DIAPH3: variants seen among roughly 807,000 people sequenced by gnomAD.
DIAPH3 encodes the protein protein diaphanous homolog 3.
DIAPH3 carries 117 observed loss-of-function variants against 144.3 expected under a neutral mutation model. The ratio of observed to expected loss-of-function variants is 0.81; its 90% CI spans 0.70 to 0.95. The LOEUF is 0.95. DIAPH3 is among the 40% of genes least tolerant of loss of function. The pLI is 0.00. For synonymous variants in DIAPH3, 519 were observed against 488.9 expected, an observed-to-expected ratio of 1.06 and a Z score of -0.81; for missense variants, 1,421 against 1,412.7, an observed-to-expected ratio of 1.01 and a Z score of -0.09.
intron 17 of DIAPH3, among the ~76,000 whole-genome samples, chr13:59,931,049 C>T (rs1328249655): frequency 2.0e-5 from 3 of 152,174 alleles, no homozygotes; most frequent in African/African-American, 7.2e-5. Flanking sequence ...AAGCAAACTC[C>T]TGACATATAC....
At chr13:59,829,597 TGTTA>T (rs977572871) in intron 24 of DIAPH3, among the ~76,000 whole-genome samples, 1 of 151,972 alleles carries the variant, frequency 6.6e-6, no homozygotes, top group African/African-American at 2.4e-5. Flanking sequence ...GCTCTATATA[TGTTA>T]GCTATTAAAT....
chr13:59,888,441 C>A (rs1283779729), intron 20 of DIAPH3, among the ~76,000 whole-genome samples: 2 of 152,004 alleles, frequency 1.3e-5, no homozygotes, highest in Admixed American at 1.3e-4. Context: ...CAAAATAGAC[C>A]AAGACAACCT....
At chr13:59,793,210 AT>A (rs1184969266) in intron 25 of DIAPH3, among the ~76,000 whole-genome samples, 1 of 151,976 alleles carries the variant, frequency 6.6e-6, no homozygotes, top group Non-Finnish European at 1.5e-5. Flanking sequence ...TTCCAAGACA[AT>A]TTCCTCTACC....
chr13:60,059,563 G>T (rs1055633804), intron 4 of DIAPH3, among the ~76,000 whole-genome samples: 4 of 151,736 alleles, frequency 2.6e-5, no homozygotes, highest in African/African-American at 4.8e-5. Context: ...AAATAAAAAG[G>T]TCATATGGTG....
At chr13:59,795,778 G>T (rs2039569416) in intron 25 of DIAPH3, among the ~76,000 whole-genome samples, 2 of 152,092 alleles carry the variant, frequency 1.3e-5, no homozygotes, top group Admixed American at 6.5e-5. Context: ...GAACTGGGTG[G>T]CTTGCTATGG....
intron 9 of DIAPH3, among the ~76,000 whole-genome samples, chr13:59,998,657 A>G (rs1353191197): frequency 6.6e-6 from 1 of 152,136 alleles, no homozygotes; most frequent in African/African-American, 2.4e-5. Flanking sequence ...TCCATATGAT[A>G]ATATGAGTTC....
intron 27 of DIAPH3, among the ~76,000 whole-genome samples, chr13:59,762,080 T>A (rs1046604290): frequency 9.9e-5 from 8 of 80,952 alleles, no homozygotes; most frequent in East Asian, 2.9e-4. Context: ...TTTTTTTTTT[T>A]AGACAGTCTT....
At chr13:59,839,213 T>G in intron 23 of DIAPH3, 111 bp downstream of exon 23, 1 of 1,354,838 alleles carries the variant, frequency 7.4e-7, no homozygotes, top group Non-Finnish European at 1.0e-6. Context: ...AAACTTTCTG[T>G]AATTTGGCAC....
chr13:60,035,605 T>TA (rs1353975026), intron 5 of DIAPH3, among the ~76,000 whole-genome samples: 1 of 152,204 alleles, frequency 6.6e-6, no homozygotes, highest in Non-Finnish European at 1.5e-5. Flanking sequence ...CCACATGACT[T>TA]AAAATTAGAA....
chr13:60,157,888 A>G (rs1952105459), intron 1 of DIAPH3, among the ~76,000 whole-genome samples: 1 of 152,088 alleles, frequency 6.6e-6, no homozygotes. Context: ...TAGGGTTCAG[A>G]AATTTGAGGA....
At chr13:59,932,192 T>C (rs1332189494) in intron 17 of DIAPH3, among the ~76,000 whole-genome samples, 1 of 152,194 alleles carries the variant, frequency 6.6e-6, no homozygotes, top group Non-Finnish European at 1.5e-5. Flanking sequence ...CTTTTTAAAA[T>C]GTTTACTTTT....
chr13:59,737,772 A>T (rs1318868139), intron 27 of DIAPH3, among the ~76,000 whole-genome samples: 2 of 152,218 alleles, frequency 1.3e-5, no homozygotes, highest in East Asian at 3.8e-4. Flanking sequence ...AACACTGGCC[A>T]TTATAGTAGT....
intron 27 of DIAPH3, among the ~76,000 whole-genome samples, chr13:59,737,756 C>T (rs931311631): frequency 6.6e-6 from 1 of 152,188 alleles, no homozygotes; most frequent in African/African-American, 2.4e-5. Flanking sequence ...TTAACCTATA[C>T]AACAAAACAC....
intron 25 of DIAPH3, among the ~76,000 whole-genome samples, chr13:59,783,842 T>G (rs1169494809): frequency 6.6e-6 from 1 of 152,188 alleles, no homozygotes; most frequent in Non-Finnish European, 1.5e-5. Flanking sequence ...TTTTGCTTAT[T>G]GATATTATGG....
intron 25 of DIAPH3, among the ~76,000 whole-genome samples, chr13:59,797,588 A>G (rs145251521): frequency 6.6e-6 from 1 of 152,358 alleles, no homozygotes; most frequent in African/African-American, 2.4e-5. Context: ...ACTGACTACA[A>G]CAATATCACC....
intron 25 of DIAPH3, among the ~76,000 whole-genome samples, chr13:59,792,645 C>T (rs2039388089): frequency 6.6e-6 from 1 of 152,112 alleles, no homozygotes; most frequent in Admixed American, 6.5e-5. Flanking sequence ...TGTCCTTTTC[C>T]TCTCTCTCTT....
intron 27 of DIAPH3, among the ~76,000 whole-genome samples, chr13:59,747,378 T>C (rs557312692): frequency 1.3e-5 from 2 of 152,322 alleles, no homozygotes; most frequent in South Asian, 2.1e-4. Context: ...TCAGCCTGTT[T>C]ACACCCGTAT....
intron 25 of DIAPH3, among the ~76,000 whole-genome samples, chr13:59,799,458 G>T (rs2039790986): frequency 6.6e-6 from 1 of 151,074 alleles, no homozygotes; most frequent in Non-Finnish European, 1.5e-5. Context: ...CATCAGGTAG[G>T]CTGATGACTC....
In DIAPH3 at chr13:59,693,589, C is replaced by T. The variant is rs139999588; in HGVS notation, c.3320-26743G>A. Among the ~76,000 whole-genome samples, 148 of 152,086 alleles carry T rather than the reference C, an allele frequency of 9.7e-4. 1 individual carries two copies. Among genetic ancestry groups the T allele is most frequent in the African/African-American group, 3.4e-3 (140 of 41,504 alleles). ...TGCAATCTCACATGGAAACTCATTG[C>T]GGAACAAAAACAGCGTATTTCCCAA... On this transcript the variant is annotated intron_variant, in intron 27 of 27. Coordinates refer to ENST00000400324, the MANE Select transcript of DIAPH3 (RefSeq NM_001042517.2).
Sources: gnomAD v4.1 joint callset for allele counts (sites outside exome capture counted in the v4.1 genomes callset) on GRCh38, gnomAD v4.1.1 for gene constraint, MANE v1.5 for transcripts, NCBI Gene and HGNC (gene_info 2026-07-23, HGNC 2026-07-21) for gene names.